The following KCNQ2 variants were observed in gnomAD, a reference collection of about 807,000 sequenced individuals.
The protein encoded by KCNQ2 is potassium voltage-gated channel subfamily KQT member 2.
KCNQ2 carries 14 observed loss-of-function variants against 84.8 expected under a neutral mutation model. That is an observed-to-expected ratio of 0.17 (90% CI 0.11 to 0.26). KCNQ2 has a LOEUF of 0.26. Among genes scored for constraint, KCNQ2 ranks in the 10% least tolerant of loss-of-function variants. The pLI is 1.00. For synonymous variants in KCNQ2, 599 were observed against 554.1 expected, an observed-to-expected ratio of 1.08 and a Z score of -1.14; for missense variants, 788 against 1,254.0, an observed-to-expected ratio of 0.63 and a Z score of 5.61.
intron 1 of KCNQ2, among the ~76,000 whole-genome samples, chr20:63,447,653 G>T (rs537505504): frequency 2.6e-5 from 4 of 152,108 alleles, no homozygotes; most frequent in Non-Finnish European, 5.9e-5. Context: ...GGAGTGCAAT[G>T]GCGTGATCTT....
rs539303714 is a variant in KCNQ2 at position 63,408,206 on chromosome 20, G to A, written c.1887+207C>T. ...CTTTGGCCCTTGGGTACTGTCAGGA[G>A]GGAAGGCACCCAGGCCGGGGGTGGG... On this transcript the variant is annotated intron_variant, in intron 16 of 16. Coordinates refer to ENST00000359125, the MANE Select transcript of KCNQ2 (RefSeq NM_172107.4). This position sits in a 1 kb window ranked among gnomAD's most constrained non-coding sequence, Gnocchi z 5.0. 9 of 630,596 alleles carry A rather than the reference G, an allele frequency of 1.4e-5. No individual in the cohort carries two copies. In the African/African-American group the frequency reaches 1.5e-4, roughly 10 times the overall value. 39.1% of individuals were successfully genotyped at this position (630,596 alleles called of 1,614,324 possible). A position where few individuals can be genotyped will look rare whatever the true frequency, so the allele number is the denominator to read the frequency against.
chr20:63,435,893 T>TTGA (rs2080980806), intron 7 of KCNQ2, among the ~76,000 whole-genome samples: 1 of 21,340 alleles, frequency 4.7e-5, no homozygotes, highest in Non-Finnish European at 9.5e-5. Flanking sequence ...GGCTCATCTC[T>TTGA]CGAGAGTCCC....
chr20:63,424,344 G>A, intron 10 of KCNQ2, 138 bp from the exon 11 acceptor site: 1 of 1,017,636 alleles, frequency 9.8e-7, no homozygotes, highest in South Asian at 1.4e-5. Context: ...GGGCAGGGGT[G>A]GAGCTGGCCC....
rs1317127433 is a variant in KCNQ2, at chr20:63,427,537, G to A, written c.1217+830C>T. Among the ~76,000 whole-genome samples, 4 of 152,340 alleles carry A rather than the reference G, an allele frequency of 2.6e-5. No individual in the cohort carries two copies. The East Asian group carries it at 7.7e-4, about 29-fold the overall frequency. ...ACGCCAGAGTCCAAAATCAAGGTGC[G>A]GGCGGGGCCTGCTCCCTCCGAAAGC... On this transcript the variant is annotated intron_variant, in intron 10 of 16. Transcript: ENST00000359125.
Position 63,408,910 on chromosome 20 carries a change from A to C in KCNQ2, c.1764-374T>G, listed in dbSNP as rs2080029533. ...TCCCTGCCCAAGGCCTATTGGCCCC[A>C]CAGCCCACGGAGGGTCTCCCACTGC... On this transcript the variant is annotated intron_variant, in intron 15 of 16. Transcript: ENST00000359125. The surrounding 1 kb of genome is among the most constrained non-coding windows in gnomAD (Gnocchi z 5.0). Among the ~76,000 whole-genome samples, 1 of 151,940 alleles carries C rather than the reference A, an allele frequency of 6.6e-6. No homozygotes were observed. The highest frequency in any genetic ancestry group is 2.4e-5 in the African/African-American group (1 of 41,332).
At chr20:63,456,012 A>C (rs1256900724) in intron 1 of KCNQ2, among the ~76,000 whole-genome samples, 5 of 13,692 alleles carry the variant, frequency 3.7e-4, no homozygotes, top group Admixed American at 8.1e-4. Flanking sequence ...CGGGCCCCCC[A>C]CCTCCGGGAG....
At chr20:63,410,743 G>C (rs2080097447) in intron 15 of KCNQ2, among the ~76,000 whole-genome samples, 1 of 152,218 alleles carries the variant, frequency 6.6e-6, no homozygotes, top group Admixed American at 6.5e-5. Context: ...CACCACAGAG[G>C]GAGGAGGGGT....
chr20:63,421,760 G>A (rs947449524), intron 11 of KCNQ2, among the ~76,000 whole-genome samples: 2 of 152,174 alleles, frequency 1.3e-5, no homozygotes, highest in Non-Finnish European at 2.9e-5. Flanking sequence ...GGGGCAGGAG[G>A]CAGTGAGATG....
intron 15 of KCNQ2, among the ~76,000 whole-genome samples, chr20:63,409,133 G>A (rs2080035419): frequency 6.6e-6 from 1 of 152,266 alleles, no homozygotes; most frequent in Non-Finnish European, 1.5e-5. Flanking sequence ...AAGGAGAGAA[G>A]GCCCAGAGCA....
At chr20:63,464,943 C>A (rs1280273754) in intron 1 of KCNQ2, among the ~76,000 whole-genome samples, 1 of 152,238 alleles carries the variant, frequency 6.6e-6, no homozygotes, top group Non-Finnish European at 1.5e-5. Flanking sequence ...CTCAATGGGA[C>A]AACTCAGAGC....
At chr20:63,465,235 A>C (rs749341696) in intron 1 of KCNQ2, among the ~76,000 whole-genome samples, 2 of 152,240 alleles carry the variant, frequency 1.3e-5, no homozygotes, top group African/African-American at 2.4e-5. Context: ...TTCAGAAAAC[A>C]AAAAGTCTAA....
In KCNQ2 at chr20:63,402,268, T is replaced by C; in HGVS notation, c.*4376A>G. The C allele has an allele frequency of 5.5e-6, 1 of 180,542 alleles. No homozygotes were observed. The highest frequency in any genetic ancestry group is 1.2e-5 in the Non-Finnish European group (1 of 85,468). The allele number at this position is 180,542 out of a possible 1,614,324, so 11.2% of individuals were successfully genotyped here. ...GCACCCTCCACGGCAGGTCCGAGCT[T>C]TGTGAACCGTCCCTCTCACGTCTGC... On this transcript the variant is annotated 3_prime_UTR_variant, in exon 17 of 17. Transcript: ENST00000359125.
chr20:63,470,295 T>C (rs2082184528), intron 1 of KCNQ2, among the ~76,000 whole-genome samples: 1 of 151,542 alleles, frequency 6.6e-6, no homozygotes, highest in African/African-American at 2.4e-5. Context: ...AGAGGCCTAG[T>C]GCAGGCTGGA....
At chr20:63,418,453 C>T (rs181903915) in intron 12 of KCNQ2, among the ~76,000 whole-genome samples, 64 of 152,304 alleles carry the variant, frequency 4.2e-4, no homozygotes, top group African/African-American at 1.3e-3. Context: ...TCCGGACCAA[C>T]GACGCCCAGG....
chr20:63,414,784 G>T lies in KCNQ2; in HGVS notation c.1525+119C>A. The T allele has an allele frequency of 1.1e-6, 1 of 922,698 alleles. No individual in the cohort carries two copies. The highest frequency in any genetic ancestry group is 1.8e-6 in the Non-Finnish European group (1 of 562,986). The allele number at this position is 922,698 out of a possible 1,614,324, so 57.2% of individuals were successfully genotyped here. On this transcript the variant is annotated intron_variant, in intron 13 of 16. Transcript: ENST00000359125. This position sits in a 1 kb window ranked among gnomAD's most constrained non-coding sequence, Gnocchi z 6.6. ...TCACCTCAATTTTAGAAAGGATAGG[G>T]GGTTCCCACTCCAAGAGCAAGCAAA...
At chr20:63,457,831 G>C (rs2081843912) in intron 1 of KCNQ2, among the ~76,000 whole-genome samples, 1 of 152,248 alleles carries the variant, frequency 6.6e-6, no homozygotes, top group African/African-American at 2.4e-5. Flanking sequence ...GGGAGCTGCA[G>C]CTGTGGGCAG....
chr20:63,440,368 G>C (rs1359934040), intron 5 of KCNQ2, among the ~76,000 whole-genome samples: 1 of 152,192 alleles, frequency 6.6e-6, no homozygotes, highest in Admixed American at 6.5e-5. Context: ...ACGTCTCCAA[G>C]CAGCTCCGAC....
In KCNQ2 at chr20:63,431,425, C is replaced by T. The variant is rs189389483; in HGVS notation, c.1119-56G>A. 1.4e-5 allele frequency: 22 copies of T among 1,579,100 alleles called. No homozygotes were observed. In the East Asian group the frequency reaches 2.5e-4, roughly 18 times the overall value. On this transcript the variant is annotated intron_variant, in intron 8 of 16. Coordinates refer to ENST00000359125, the MANE Select transcript of KCNQ2 (RefSeq NM_172107.4). ...AAAGAACGGAAAATTTCAAAAAGAA[C>T]GGGATAAGAAAAAGAAAATGAAACA...
chr20:63,434,194 TC>T, intron 7 of KCNQ2: 1 of 480,760 alleles, frequency 2.1e-6, no homozygotes, highest in South Asian at 3.5e-5. Context: ...CTGTGTTCTT[TC>T]CTTTTCATGA....
Sources: allele counts gnomAD v4.1 joint callset (sites outside exome capture counted in the v4.1 genomes callset), GRCh38; gene constraint gnomAD v4.1.1; non-coding constraint Gnocchi (gnomAD v3.1); transcripts MANE v1.5; gene names NCBI Gene and HGNC (gene_info 2026-07-23, HGNC 2026-07-21).